Variants in API5 observed in about 807,000 individuals in gnomAD.
API5 encodes the protein apoptosis inhibitor 5, also known as FIF.
API5 carries 6 observed loss-of-function variants against 71.9 expected under a neutral mutation model. The ratio of observed to expected loss-of-function variants is 0.08; its 90% confidence interval spans 0.05 to 0.16. The LOEUF is 0.16. API5 is among the 10% of genes least tolerant of loss of function. API5 has a pLI of 1.00. For missense variants in API5, 332 were observed against 612.8 expected, an observed-to-expected ratio of 0.54 and a Z score of 4.84; for synonymous variants, 189 against 221.3, an observed-to-expected ratio of 0.85 and a Z score of 1.30.
chr11:43,323,572 C>A lies in API5; in HGVS notation c.686C>A (p.Pro229His). 1 of 1,614,080 alleles carries A rather than the reference C, an allele frequency of 6.2e-7. No individual in the cohort carries two copies. Among genetic ancestry groups the A allele is most frequent in the South Asian group, 1.1e-5 (1 of 91,082 alleles). The stretch of plus-strand genomic sequence containing the variant: ...GCCGACCTAGAACAGACCTTCAATC[C>A]CTCGGATCCTGACTGTGTGGACAGG... ...EQADLEQTFN[P>H]SDPDCVDRLL... is the part of the protein sequence containing the mutation. Residue 229 changes from proline to histidine, a missense_variant, in exon 6 of 14, where the codon CCC becomes CAC. Around this residue, in one of 3 missense-constraint regions of API5, gnomAD observed 37 missense variants for 31.3 expected, o/e 1.18. Transcript: ENST00000531273.
chr11:43,315,884 A>G (rs1459308979), intron 1 of API5, among the ~76,000 whole-genome samples: 1 of 151,996 alleles, frequency 6.6e-6, no homozygotes, highest in East Asian at 1.9e-4. Context: ...GTTTCAAATT[A>G]TTATGAATTT....
At chr11:43,320,404 G>A (rs576285445) in intron 2 of API5, among the ~76,000 whole-genome samples, 2 of 151,952 alleles carry the variant, frequency 1.3e-5, no homozygotes, top group South Asian at 2.1e-4. Context: ...TTTGTGACTC[G>A]TATGCCCCTA....
chr11:43,342,323 T>C, intron 13 of API5, 105 bp from the exon 14 acceptor site: 1 of 904,402 alleles, frequency 1.1e-6, no homozygotes, highest in Non-Finnish European at 1.7e-6. Flanking sequence ...GTTCTGTTCT[T>C]ATAGGGCCTA....
At chr11:43,320,732 A>G in intron 2 of API5, 89 bp from the exon 3 acceptor site, 2 of 200,676 alleles carry the variant, frequency 1.0e-5, no homozygotes, top group South Asian at 3.0e-4. Flanking sequence ...CCTTGTCTTT[A>G]AAAAAAAAAA....
intron 6 of API5, among the ~76,000 whole-genome samples, chr11:43,325,596 G>A: frequency 6.6e-6 from 1 of 150,780 alleles, no homozygotes; most frequent in South Asian, 2.1e-4. Flanking sequence ...CTACTGATGA[G>A]TGTCAAAACC....
At chr11:43,328,256 A>G (rs1855139768) in intron 8 of API5, among the ~76,000 whole-genome samples, 1 of 152,256 alleles carries the variant, frequency 6.6e-6, no homozygotes, top group South Asian at 2.1e-4. Flanking sequence ...TGCCATTGGC[A>G]GTACTTCACT....
rs528496369 is a variant in API5 at position 43,342,024 on chromosome 11, A to G, written c.1493-404A>G. Among the ~76,000 whole-genome samples the G allele has an allele frequency of 1.4e-4, 21 of 152,012 alleles. 1 individual carries two copies. The South Asian group carries it at 4.4e-3, about 32-fold the overall frequency. ...GCCAAACATGGTGGTGTGCATCTGT[A>G]GCCCTAGCTACTGGGGAGTCTGAGG... On this transcript the variant is annotated intron_variant, in intron 13 of 13. Coordinates refer to ENST00000531273, the MANE Select transcript of API5 (RefSeq NM_001142930.2).
intron 1 of API5, chr11:43,318,316 A>C: frequency 2.6e-6 from 3 of 1,172,856 alleles, no homozygotes; most frequent in Non-Finnish European, 3.6e-6. Context: ...GCCCATTACA[A>C]ATTTTTTAAG....
chr11:43,318,860 A>G (rs1854768337), intron 2 of API5, 59 bp downstream of exon 2: 1 of 1,515,516 alleles, frequency 6.6e-7, no homozygotes, highest in Admixed American at 1.7e-5. Flanking sequence ...TGTGGCTGAT[A>G]CAATTGGAGT....
At position 43,318,671 on chromosome 11, in the gene API5, G is replaced by C. The variant is rs1306788760; in HGVS notation, c.101G>C (p.Gly34Ala). 1.2e-6 allele frequency: 2 copies of C among 1,613,242 alleles called. No homozygotes were observed. The highest frequency in any genetic ancestry group is 1.7e-6 in the Non-Finnish European group (2 of 1,179,998). Residue 34 changes from glycine (G) to alanine (A), a missense_variant, in exon 2 of 14, where the codon GGT becomes GCT. By Grantham distance (60) the Gly-to-Ala change is moderately conservative. Transcript: ENST00000531273. ...HKDAYQVILD[G>A]VKGGTKEKRL... The stretch of plus-strand genomic sequence containing the variant: ...GATGCCTATCAAGTGATATTGGATG[G>C]TGTGAAAGGTGGTACTAAGGAAAAG...
intron 1 of API5, among the ~76,000 whole-genome samples, chr11:43,312,468 C>T (rs970081299): frequency 5.4e-5 from 5 of 93,306 alleles, no homozygotes; most frequent in Non-Finnish European, 8.6e-5. Context: ...CCCGTTCAGG[C>T]TCACGTTAAT....
At chr11:43,323,910 G>A (rs777590439) in intron 6 of API5, among the ~76,000 whole-genome samples, 14 of 152,172 alleles carry the variant, frequency 9.2e-5, no homozygotes, top group Non-Finnish European at 1.9e-4. Context: ...GGATTTTGAA[G>A]CATTTCAGAT....
chr11:43,342,243 G>A (rs931193165), intron 13 of API5, among the ~76,000 whole-genome samples, 185 bp from the exon 14 acceptor site: 3 of 152,142 alleles, frequency 2.0e-5, no homozygotes, highest in African/African-American at 4.8e-5. Context: ...CTTGCCTTAC[G>A]TGCTTCAGTA....
intron 1 of API5, 114 bp downstream of exon 1, chr11:43,312,310 C>G: frequency 1.8e-6 from 2 of 1,118,200 alleles, no homozygotes; most frequent in Non-Finnish European, 2.6e-6. Flanking sequence ...CTCCCGGGGC[C>G]TCCTAGCCTC....
chr11:43,315,948 A>G (rs1854654521), intron 1 of API5, among the ~76,000 whole-genome samples: 1 of 152,218 alleles, frequency 6.6e-6, no homozygotes, highest in Non-Finnish European at 1.5e-5. Flanking sequence ...AAATCTTAAA[A>G]GTTAAAAAAT....
In API5 at chr11:43,312,151, C is replaced by T. The variant is rs760119973; in HGVS notation, c.24C>T (p.Tyr8=). 1.9e-6 allele frequency: 3 copies of T among 1,613,846 alleles called. No homozygotes were observed. The highest frequency in any genetic ancestry group is 1.3e-5 in the African/African-American group (1 of 74,938). The stretch of plus-strand genomic sequence containing the variant: ...CCATGCCGACAGTAGAGGAGCTTTA[C>T]CGCAATTATGGCATCCTGGCCGATG... MPTVEEL[Y]RNYGILADAT... The change falls in exon 1 of 14, where the codon TAC becomes TAT. Residue 8 remains tyrosine (Y), a synonymous_variant. Coordinates refer to ENST00000531273, the MANE Select transcript of API5 (RefSeq NM_001142930.2).
At chr11:43,322,931 A>T (rs918170903) in intron 5 of API5, among the ~76,000 whole-genome samples, 2 of 152,192 alleles carry the variant, frequency 1.3e-5, no homozygotes, top group African/African-American at 4.8e-5. Flanking sequence ...ACCCACTGAT[A>T]TGGAAGATTT....
In API5 at chr11:43,343,504, G is replaced by A. The variant is rs1855689796; in HGVS notation, c.*994G>A. 6.6e-6 allele frequency: 1 copy of A among 152,620 alleles called. No homozygotes were observed. The highest frequency in any genetic ancestry group is 1.5e-5 in the Non-Finnish European group (1 of 68,038). The allele number at this position is 152,620 out of a possible 1,614,324, so 9.5% of individuals were successfully genotyped here. A position where few individuals can be genotyped will look rare whatever the true frequency, so the allele number is the denominator to read the frequency against. On this transcript the variant is annotated 3_prime_UTR_variant, in exon 14 of 14. Transcript: ENST00000531273. ...CTGATGTACATACAGGTTTCTACAG[G>A]AAGAGATGGTATAATTTACAATTTG... is the stretch of plus-strand genomic sequence containing the variant.
At chr11:43,317,320 A>G (rs1854706312) in intron 1 of API5, among the ~76,000 whole-genome samples, 2 of 152,174 alleles carry the variant, frequency 1.3e-5, no homozygotes, top group South Asian at 4.1e-4. Flanking sequence ...GCAAGTACTT[A>G]AGGAGGATTG....
Sources: gnomAD v4.1 joint callset for allele counts (sites outside exome capture counted in the v4.1 genomes callset) on GRCh38, gnomAD v4.1.1 for gene constraint, gnomAD v4.1.1 regional missense constraint, MANE v1.5 for transcripts, NCBI Gene and HGNC (gene_info 2026-07-23, HGNC 2026-07-21) for gene names.